The following MPDZ variants were observed in gnomAD, a reference collection of about 807,000 sequenced individuals.
The protein encoded by MPDZ is multiple PDZ domain crumbs cell polarity complex component, also known as multiple PDZ domain protein.
MPDZ carries 234 observed loss-of-function variants against 239.1 expected under a neutral mutation model. That is an observed-to-expected ratio of 0.98 (90% CI 0.88 to 1.09). The LOEUF is 1.09. Ranked by LOEUF, MPDZ falls within the 50% of genes least tolerant of loss-of-function variation. MPDZ has a pLI of 0.00. For synonymous variants in MPDZ, 1,048 were observed against 881.3 expected (o/e 1.19, Z -3.35); for missense variants, 3,175 against 2,510.0 (o/e 1.26, Z -5.66).
intron 45 of MPDZ, among the ~76,000 whole-genome samples, chr9:13,109,321 G>C (rs1052827753): frequency 6.6e-6 from 1 of 151,912 alleles, no homozygotes; most frequent in Admixed American, 6.6e-5. Flanking sequence ...ACATATTCAT[G>C]GCATGTTCTC....
chr9:13,246,855 T>C (rs1023370409), intron 3 of MPDZ, among the ~76,000 whole-genome samples: 1 of 152,228 alleles, frequency 6.6e-6, no homozygotes, highest in South Asian at 2.1e-4. Context: ...CTAACTTGGA[T>C]TGAAGGCATA....
Position 13,119,523 on chromosome 9 carries a change from T to G in MPDZ, c.5358A>C (p.Glu1786Asp). Residue 1786 changes from glutamate (E) to aspartate (D), a missense_variant, in exon 39 of 47, where the codon GAA (glutamate) becomes GAC (aspartate). Transcript: ENST00000319217. ...TTACCTTTAGCAAAGCGGCAACCGC[T>G]TCTTGGGTGGCATTACGAACGTCTT... ...NGEDVRNATQ[E>D]AVAALLKCSL... 1.2e-6 allele frequency: 2 copies of G among 1,612,868 alleles called. No individual in the cohort carries two copies. The highest frequency in any genetic ancestry group is 8.5e-7 in the Non-Finnish European group (1 of 1,179,406).
In MPDZ at chr9:13,198,733, C is replaced by CTG. The variant is rs746268904; in HGVS notation, c.1547-2504_1547-2503insCA. Among the ~76,000 whole-genome samples, 718 of 89,452 alleles carry CTG rather than the reference C, an allele frequency of 8.0e-3. 13 individuals are homozygous for CTG. Among genetic ancestry groups the CTG allele is most frequent in the South Asian group, 0.018 (49 of 2,798 alleles). The allele number at this position is 89,452 out of a possible 152,430, so 58.7% of individuals were successfully genotyped here. On this transcript the variant is annotated intron_variant, in intron 12 of 46. Coordinates refer to ENST00000319217, the MANE Select transcript of MPDZ (RefSeq NM_001378778.1). ...TCTTATATTTAGGTCTTTAATCTCT[C>CTG]TCTCTGTGTGTGTGTGTGTGTGTGT...
intron 3 of MPDZ, among the ~76,000 whole-genome samples, chr9:13,241,926 G>C (rs1447180716): frequency 6.6e-6 from 1 of 152,042 alleles, no homozygotes; most frequent in Non-Finnish European, 1.5e-5. Context: ...ATTTGAAGCT[G>C]AACCTCTGAA....
chr9:13,211,306 A>C (rs1204092311), intron 10 of MPDZ, among the ~76,000 whole-genome samples: 1 of 152,154 alleles, frequency 6.6e-6, no homozygotes, highest in Non-Finnish European at 1.5e-5. Context: ...AGTTGATGAC[A>C]AAATTTTTTA....
intron 3 of MPDZ, among the ~76,000 whole-genome samples, chr9:13,231,293 C>T (rs1013475854): frequency 6.6e-6 from 1 of 152,100 alleles, no homozygotes; most frequent in Non-Finnish European, 1.5e-5. Context: ...TGGCCAGGTG[C>T]AGTGGCTCAC....
chr9:13,192,189 G>A lies in MPDZ; in HGVS notation c.1910C>T (p.Pro637Leu), dbSNP rs1266340670. The change falls in exon 15 of 47, where the codon CCC becomes CTC. Residue 637 changes from proline (P) to leucine (L), a missense_variant. Transcript: ENST00000319217. ...GCTATCCAATTCTGATTGGGTGGTGGGTGGCACAGTTCGACGACAGCACAC... is the reference window on the plus strand; with the variant it reads ...GCTATCCAATTCTGATTGGGTGGTGAGTGGCACAGTTCGACGACAGCACAC... ...TMVCCRRTVP[P>L]TTQSELDSLD... 7 of 1,611,164 alleles carry A rather than the reference G, an allele frequency of 4.3e-6. No individual in the cohort carries two copies. Among genetic ancestry groups the A allele is most frequent in the Non-Finnish European group, 5.9e-6 (7 of 1,178,692 alleles).
rs560620096 is a variant in MPDZ, at chr9:13,247,222, T to C, written c.183+413A>G. 7.3e-5 allele frequency among the ~76,000 whole-genome samples: 11 copies of C among 150,736 alleles called. No homozygotes were observed. The South Asian group carries it at 2.3e-3, about 31-fold the overall frequency. ...AGGTGATTTCCCTTCCTCATACACA[T>C]GATTACACATGCAAATCCACGCTTA... On this transcript the variant is annotated intron_variant, in intron 3 of 46. Transcript: ENST00000319217.
chr9:13,138,515 C>G (rs1317423961), intron 28 of MPDZ, among the ~76,000 whole-genome samples: 1 of 152,184 alleles, frequency 6.6e-6, no homozygotes, highest in African/African-American at 2.4e-5. Flanking sequence ...TCCAGAATAT[C>G]TGTGTTCACT....
intron 29 of MPDZ, among the ~76,000 whole-genome samples, 155 bp downstream of exon 29, chr9:13,137,802 T>C (rs556213589): frequency 1.6e-4 from 24 of 152,324 alleles, no homozygotes; most frequent in African/African-American, 5.5e-4. Flanking sequence ...TGGTAGAAAT[T>C]TGGTTTAGAG....
chr9:13,231,766 T>C (rs1257976403), intron 3 of MPDZ, among the ~76,000 whole-genome samples: 2 of 151,664 alleles, frequency 1.3e-5, no homozygotes, highest in Non-Finnish European at 2.9e-5. Flanking sequence ...CAACATAACC[T>C]CAATTGCCAA....
intron 8 of MPDZ, 28 bp from the exon 9 acceptor site, chr9:13,217,322 G>A (rs2136143434): frequency 1.5e-6 from 2 of 1,355,152 alleles, no homozygotes; most frequent in Admixed American, 2.6e-5. Flanking sequence ...AATATACAGT[G>A]AAATAATACG....
At chr9:13,228,813 T>C (rs1237197843) in intron 3 of MPDZ, among the ~76,000 whole-genome samples, 1 of 152,176 alleles carries the variant, frequency 6.6e-6, no homozygotes, top group East Asian at 1.9e-4. Flanking sequence ...TAGAAAAACT[T>C]GTCATAAATT....
intron 5 of MPDZ, among the ~76,000 whole-genome samples, chr9:13,222,806 C>T (rs950844810): frequency 6.6e-6 from 1 of 151,762 alleles, no homozygotes; most frequent in Admixed American, 6.6e-5. Flanking sequence ...ATTAGATCCC[C>T]AACTGGGGAT....
chr9:13,164,078 G>C (rs916815916), intron 22 of MPDZ, among the ~76,000 whole-genome samples: 1 of 152,152 alleles, frequency 6.6e-6, no homozygotes, highest in Non-Finnish European at 1.5e-5. Context: ...CCAAATAGAA[G>C]TGAGTGCTAT....
chr9:13,183,417 C>T lies in MPDZ; in HGVS notation c.2649+1G>A, dbSNP rs1161458067. On this transcript the variant is annotated splice_donor_variant, in intron 19 of 46. Transcript: ENST00000319217. LOFTEE classifies it high-confidence loss of function. ...AAGAAAAATTGGCTTTTCCTTTGTACCTTAGGAGGAGATGATGGAAGGGAA... is the reference window on the plus strand; with the variant it reads ...AAGAAAAATTGGCTTTTCCTTTGTATCTTAGGAGGAGATGATGGAAGGGAA... 6.2e-7 allele frequency: 1 copy of T among 1,602,134 alleles called. No homozygotes were observed. Among genetic ancestry groups the T allele is most frequent in the Non-Finnish European group, 8.5e-7 (1 of 1,175,818 alleles).
chr9:13,244,607 T>C (rs1312433070), intron 3 of MPDZ, among the ~76,000 whole-genome samples: 1 of 152,162 alleles, frequency 6.6e-6, no homozygotes, highest in Admixed American at 6.5e-5. Flanking sequence ...TTTTTGACAA[T>C]ATTTAAATAG....
intron 21 of MPDZ, among the ~76,000 whole-genome samples, chr9:13,168,786 A>AT (rs1201324075): frequency 6.6e-6 from 1 of 152,188 alleles, no homozygotes; most frequent in African/African-American, 2.4e-5. Context: ...ATTATAAACA[A>AT]AACAGATCTA....
At chr9:13,117,849 T>TA (rs1943717694) in intron 39 of MPDZ, among the ~76,000 whole-genome samples, 1 of 151,124 alleles carries the variant, frequency 6.6e-6, no homozygotes, top group South Asian at 2.1e-4. Flanking sequence ...TTAGCTTTTT[T>TA]TTTTTTTTTT....
Sources: gnomAD v4.1 joint callset for allele counts (sites outside exome capture counted in the v4.1 genomes callset) on GRCh38, gnomAD v4.1.1 for gene constraint, MANE v1.5 for transcripts, NCBI Gene and HGNC (gene_info 2026-07-23, HGNC 2026-07-21) for gene names.